RHEX: variants seen among roughly 807,000 people sequenced by gnomAD.
The protein encoded by RHEX is regulator of hemoglobinization and erythroid cell expansion.
A neutral mutation model predicts 20.1 loss-of-function variants in RHEX; 18 were observed. The ratio of observed to expected loss-of-function variants is 0.90; its 90% CI spans 0.62 to 1.33. The LOEUF is 1.33. Among genes scored for constraint, RHEX ranks in the 40% most tolerant of loss-of-function variants. The pLI is 0.00. For missense variants in RHEX, 192 were observed against 214.3 expected (o/e 0.90, Z 0.65); for synonymous variants, 87 against 77.1 (o/e 1.13, Z -0.67).
intron 3 of RHEX, chr1:206,098,520 A>G: frequency 4.3e-6 from 1 of 234,286 alleles, no homozygotes; most frequent in Admixed American, 4.9e-5. Context: ...CTGTTAAAGG[A>G]CTGAATATGA....
chr1:206,079,343 G>T (rs1188783047), intron 1 of RHEX, among the ~76,000 whole-genome samples: 5 of 151,974 alleles, frequency 3.3e-5, no homozygotes, highest in African/African-American at 1.2e-4. Context: ...AAAGCAGAAG[G>T]TCAATATGAT....
chr1:206,083,453 C>T (rs1484666902), intron 1 of RHEX: 1 of 976,574 alleles, frequency 1.0e-6, no homozygotes, highest in Non-Finnish European at 1.2e-6. Context: ...TCCCTTCACC[C>T]TGCTGTACTC....
chr1:206,054,388 G>A (rs545479990), intron 1 of RHEX, among the ~76,000 whole-genome samples: 5 of 152,336 alleles, frequency 3.3e-5, no homozygotes, highest in Non-Finnish European at 4.4e-5. Flanking sequence ...TGTGCAAGGT[G>A]TATAAGAAAA....
chr1:206,058,447 C>T (rs926243791), intron 1 of RHEX, among the ~76,000 whole-genome samples: 1 of 151,676 alleles, frequency 6.6e-6, no homozygotes, highest in Admixed American at 6.5e-5. Context: ...AGAGAGAGAC[C>T]CTCTCATATT....
chr1:206,059,803 C>T (rs376281176), intron 1 of RHEX, among the ~76,000 whole-genome samples: 8 of 152,186 alleles, frequency 5.3e-5, no homozygotes, highest in South Asian at 4.2e-4. Flanking sequence ...CTCCATCCCT[C>T]GAGGCAGGAG....
chr1:206,071,119 G>A (rs1283263661), intron 1 of RHEX, among the ~76,000 whole-genome samples: 2 of 152,154 alleles, frequency 1.3e-5, no homozygotes, highest in African/African-American at 4.8e-5. Flanking sequence ...AAGTAGGGAA[G>A]CCAACAGTGC....
intron 1 of RHEX, among the ~76,000 whole-genome samples, chr1:206,077,320 G>GGAAGAAGTGTATGTC (rs1310120874): frequency 1.3e-5 from 2 of 152,148 alleles, no homozygotes; most frequent in Non-Finnish European, 2.9e-5. Flanking sequence ...TAAGTAAGCA[G>GGAAGAAGTGTATGTC]GAAGAAGTGT....
intron 1 of RHEX, among the ~76,000 whole-genome samples, chr1:206,075,259 T>C (rs1173451235): frequency 3.3e-5 from 5 of 152,100 alleles, no homozygotes; most frequent in African/African-American, 1.2e-4. Flanking sequence ...ACTGTTGGAG[T>C]CCTGTGCTGA....
intron 1 of RHEX, among the ~76,000 whole-genome samples, chr1:206,065,424 G>A (rs1220172298): frequency 6.6e-6 from 1 of 152,188 alleles, no homozygotes; most frequent in African/African-American, 2.4e-5. Flanking sequence ...CAGCTAGAAG[G>A]CAGGACTCCA....
At chr1:206,054,378 T>C (rs1344502043) in intron 1 of RHEX, among the ~76,000 whole-genome samples, 6 of 152,354 alleles carry the variant, frequency 3.9e-5, no homozygotes, top group African/African-American at 1.4e-4. Context: ...AAACAGTTTA[T>C]GTGCAAGGTG....
intron 1 of RHEX, among the ~76,000 whole-genome samples, chr1:206,096,781 GT>G (rs1212622253): frequency 9.8e-5 from 13 of 132,916 alleles, no homozygotes; most frequent in South Asian, 2.3e-4. Context: ...TTTTTTTTTG[GT>G]TTTTTTTTTT....
intron 1 of RHEX, chr1:206,083,407 C>A: frequency 1.6e-6 from 1 of 625,472 alleles, no homozygotes; most frequent in Non-Finnish European, 2.0e-6. Flanking sequence ...GGGAGCTGGG[C>A]AGAGCATGGC....
At chr1:206,058,305 CA>C (rs1366041017) in intron 1 of RHEX, among the ~76,000 whole-genome samples, 1 of 152,066 alleles carries the variant, frequency 6.6e-6, no homozygotes, top group Non-Finnish European at 1.5e-5. Context: ...CTTAGTTCAC[CA>C]AAATGCTTCA....
In RHEX at chr1:206,067,723, C is replaced by T. The variant is rs1239877427; in HGVS notation, c.-97+14458C>T. Among the ~76,000 whole-genome samples the T allele has an allele frequency of 4.6e-5, 7 of 152,218 alleles. No homozygotes were observed. The highest frequency in any genetic ancestry group is 3.9e-4 in the Admixed American group (6 of 15,284). On this transcript the variant is annotated intron_variant, in intron 1 of 5. Coordinates refer to ENST00000331555, the MANE Select transcript of RHEX (RefSeq NM_001007544.4). The surrounding 1 kb of genome is among the most constrained non-coding windows in gnomAD (Gnocchi z 4.6). The stretch of plus-strand genomic sequence containing the variant: ...TCTGCACATACCCCCTCCAGTACAA[C>T]CCTAGAAAACTTCCCTCCAGTCCCT...
chr1:206,098,250 A>G (rs578060317), intron 3 of RHEX, 69 bp downstream of exon 3: 1 of 1,197,082 alleles, frequency 8.4e-7, no homozygotes, highest in South Asian at 1.2e-5. Flanking sequence ...CCAGCAGGAC[A>G]AGACCCCTTT....
chr1:206,100,237 C>G (rs1663161442), intron 4 of RHEX, among the ~76,000 whole-genome samples: 1 of 152,156 alleles, frequency 6.6e-6, no homozygotes, highest in Non-Finnish European at 1.5e-5. Flanking sequence ...GACCCTTTTT[C>G]ATGGTCTTAG....
At chr1:206,070,777 G>A (rs1342463379) in intron 1 of RHEX, among the ~76,000 whole-genome samples, 4 of 152,136 alleles carry the variant, frequency 2.6e-5, no homozygotes, top group Non-Finnish European at 5.9e-5. Flanking sequence ...AGGATGGACT[G>A]CTCCCACTAC....
chr1:206,101,159 A>C lies in RHEX; in HGVS notation c.280A>C (p.Ser94Arg), dbSNP rs1553288331. Residue 94 changes from serine to arginine, a missense_variant, in exon 5 of 6, where the codon AGC becomes CGC. Coordinates refer to ENST00000331555, the MANE Select transcript of RHEX (RefSeq NM_001007544.4). ...AGATGACAGCGACACACCCTCAGAT[A>C]GCTTGGATAGCTCCTGCAGTTCGCC... ...YRHDSDTPSDSLDSSCSSPPA... is the reference protein window; with the variant it reads ...YRHDSDTPSDRLDSSCSSPPA... The C allele has an allele frequency of 1.2e-6, 2 of 1,613,030 alleles. No homozygotes were observed. Among genetic ancestry groups the C allele is most frequent in the South Asian group, 1.1e-5 (1 of 90,860 alleles).
intron 1 of RHEX, among the ~76,000 whole-genome samples, chr1:206,096,758 G>A (rs1663076008): frequency 6.8e-6 from 1 of 146,774 alleles, no homozygotes. Flanking sequence ...TTGTGCACAA[G>A]TCCCCTGTTT....
Sources: gnomAD v4.1 joint callset for allele counts (sites outside exome capture counted in the v4.1 genomes callset) on GRCh38, gnomAD v4.1.1 for gene constraint, Gnocchi (gnomAD v3.1) non-coding constraint, MANE v1.5 for transcripts, NCBI Gene and HGNC (gene_info 2026-07-23, HGNC 2026-07-21) for gene names.